The following SGCD variants were observed in gnomAD, a reference collection of about 807,000 sequenced individuals.
The protein encoded by SGCD is delta-sarcoglycan.
SGCD carries 18 observed loss-of-function variants against 36.6 expected under a neutral mutation model. That is an observed-to-expected ratio of 0.49 (90% CI 0.34 to 0.73). The LOEUF is 0.73. SGCD is among the 30% of genes least tolerant of loss of function. The pLI, the probability that SGCD is intolerant of heterozygous loss-of-function variation, is 0.01. For synonymous variants in SGCD, 133 were observed against 130.6 expected, an observed-to-expected ratio of 1.02 and a Z score of -0.12; for missense variants, 387 against 346.7, an observed-to-expected ratio of 1.12 and a Z score of -0.92.
intron 3 of SGCD, among the ~76,000 whole-genome samples, chr5:156,398,367 G>C (rs1771972285): frequency 6.6e-6 from 1 of 152,202 alleles, no homozygotes; most frequent in Non-Finnish European, 1.5e-5. Flanking sequence ...AGAAAGGCCT[G>C]TTGGGGGAAT....
intron 6 of SGCD, among the ~76,000 whole-genome samples, chr5:156,609,037 CA>C (rs1399365777): frequency 3.9e-5 from 6 of 151,932 alleles, no homozygotes; most frequent in African/African-American, 1.5e-4. Context: ...GCATTTAGCC[CA>C]TTTACATTTA....
intron 3 of SGCD, among the ~76,000 whole-genome samples, chr5:156,248,353 C>T (rs1259697777): frequency 6.6e-6 from 1 of 152,082 alleles, no homozygotes; most frequent in Non-Finnish European, 1.5e-5. Flanking sequence ...AACCCCGTCT[C>T]TATTAAAAAT....
At chr5:156,199,350 C>G (rs929251725) in intron 3 of SGCD, among the ~76,000 whole-genome samples, 11 of 152,114 alleles carry the variant, frequency 7.2e-5, no homozygotes, top group Admixed American at 1.3e-4. Context: ...CAATTTTCAA[C>G]TAAAGAACAA....
At position 156,054,659 on chromosome 5, in the gene SGCD, C is replaced by T. The variant is rs762352156; in HGVS notation, c.-281-63219C>T. On this transcript the variant is annotated intron_variant, in intron 1 of 9. Transcript: ENST00000517913. ...AGGCCAGATAATGTTTATTTGACTG[C>T]AATATTAATGTATTTTCAGAAGCCT... Among the ~76,000 whole-genome samples, 11 of 146,702 alleles carry T rather than the reference C, an allele frequency of 7.5e-5. 1 individual carries two copies. The highest frequency in any genetic ancestry group is 1.9e-4 in the East Asian group (1 of 5,178).
chr5:156,449,732 A>T (rs1753919294), intron 3 of SGCD, among the ~76,000 whole-genome samples: 1 of 149,130 alleles, frequency 6.7e-6, no homozygotes. Flanking sequence ...GGCACCTGTA[A>T]TCCTAGCTGC....
chr5:156,045,866 G>A (rs969056273), intron 1 of SGCD, among the ~76,000 whole-genome samples: 3 of 152,120 alleles, frequency 2.0e-5, no homozygotes, highest in Non-Finnish European at 4.4e-5. Flanking sequence ...GCCACAGTGG[G>A]AGTTAGGGCA....
chr5:156,561,091 T>G (rs771983650), intron 4 of SGCD, among the ~76,000 whole-genome samples: 1 of 152,194 alleles, frequency 6.6e-6, no homozygotes, highest in Non-Finnish European at 1.5e-5. Flanking sequence ...ATGAAGGATA[T>G]GATTGAATTC....
chr5:156,045,438 A>G lies in SGCD; in HGVS notation c.-281-72440A>G, dbSNP rs115771551. On this transcript the variant is annotated intron_variant, in intron 1 of 9. Coordinates refer to the SGCD transcript ENST00000517913. ...CCCATGCTACATTAAAATTTTGCCA[A>G]TTAATTCAGAAATGTCCTTTAAGAC... 6.8e-3 allele frequency among the ~76,000 whole-genome samples: 1,035 copies of G among 152,240 alleles called. 6 individuals carry two copies. Among genetic ancestry groups the G allele is most frequent in the African/African-American group, 0.023 (956 of 41,540 alleles).
chr5:155,765,885 G>A, the SGCD span, among the ~76,000 whole-genome samples: 1 of 152,098 alleles, frequency 6.6e-6, no homozygotes, highest in African/African-American at 2.4e-5. Context: ...ACTCACACCT[G>A]AGAACACTCA....
intron 1 of SGCD, among the ~76,000 whole-genome samples, chr5:156,079,408 C>T (rs994659419): frequency 6.6e-6 from 1 of 152,170 alleles, no homozygotes; most frequent in African/African-American, 2.4e-5. Context: ...ATAATCATGC[C>T]TTCCTAACAG....
chr5:156,578,950 T>A (rs967368714), intron 4 of SGCD, among the ~76,000 whole-genome samples: 1 of 152,238 alleles, frequency 6.6e-6, no homozygotes, highest in African/African-American at 2.4e-5. Flanking sequence ...TTTCTTGCCT[T>A]CTGCTAACTT....
At chr5:156,381,656 G>A (rs1198575662) in intron 3 of SGCD, among the ~76,000 whole-genome samples, 1 of 152,136 alleles carries the variant, frequency 6.6e-6, no homozygotes, top group Non-Finnish European at 1.5e-5. Context: ...CAGTGTCTGT[G>A]TTAAAAGGTA....
At chr5:156,186,412 G>T (rs538882997) in intron 3 of SGCD, among the ~76,000 whole-genome samples, 1 of 152,078 alleles carries the variant, frequency 6.6e-6, no homozygotes, top group South Asian at 2.1e-4. Context: ...CATCCCTACC[G>T]TTCAAGTACA....
At chr5:156,501,706 G>A (rs1302177222) in intron 3 of SGCD, among the ~76,000 whole-genome samples, 2 of 152,192 alleles carry the variant, frequency 1.3e-5, no homozygotes, top group Admixed American at 1.3e-4. Flanking sequence ...TTGCTCTTGT[G>A]TTTTTGAAAA....
intron 1 of SGCD, among the ~76,000 whole-genome samples, chr5:156,088,660 C>G (rs182244787): frequency 6.6e-6 from 1 of 151,918 alleles, no homozygotes; most frequent in South Asian, 2.1e-4. Context: ...CTGCTATACT[C>G]GGCTAATTGT....
chr5:156,135,525 G>A (rs972090773), intron 3 of SGCD, among the ~76,000 whole-genome samples: 6 of 152,170 alleles, frequency 3.9e-5, no homozygotes, highest in African/African-American at 1.4e-4. Context: ...CTTGATACCA[G>A]CATGGAAACC....
At chr5:155,819,948 A>T in the SGCD span, among the ~76,000 whole-genome samples, 1 of 152,208 alleles carries the variant, frequency 6.6e-6, no homozygotes, top group African/African-American at 2.4e-5. Context: ...ACTGTGTTTT[A>T]AAATGTAGAA....
At chr5:156,632,666 TG>T (rs1762680907) in intron 6 of SGCD, among the ~76,000 whole-genome samples, 1 of 152,210 alleles carries the variant, frequency 6.6e-6, no homozygotes, top group South Asian at 2.1e-4. Context: ...TGCCATGGTT[TG>T]GGTTTATGTA....
At chr5:156,400,118 T>A (rs1772064861) in intron 3 of SGCD, among the ~76,000 whole-genome samples, 1 of 152,170 alleles carries the variant, frequency 6.6e-6, no homozygotes, top group African/African-American at 2.4e-5. Context: ...ACAGTGGTTC[T>A]CCAGCTTCAG....
Sources: gnomAD v4.1 joint callset for allele counts (sites outside exome capture counted in the v4.1 genomes callset) on GRCh38, gnomAD v4.1.1 for gene constraint, MANE v1.5 for transcripts, NCBI Gene and HGNC (gene_info 2026-07-23, HGNC 2026-07-21) for gene names.